CTNND2: variants seen among roughly 807,000 people sequenced by gnomAD.
CTNND2 encodes catenin delta-2.
A neutral mutation model predicts 144.4 loss-of-function variants in CTNND2; 22 were observed. The observed-to-expected ratio is 0.15, with a 90% confidence interval of 0.11 to 0.22. The LOEUF is 0.22. Ranked by LOEUF, CTNND2 falls within the 10% of genes least tolerant of loss-of-function variation. CTNND2 has a pLI of 1.00. For synonymous variants in CTNND2, 751 were observed against 695.6 expected (o/e 1.08, Z -1.25); for missense variants, 1,353 against 1,618.8 (o/e 0.84, Z 2.82).
intron 1 of CTNND2, among the ~76,000 whole-genome samples, chr5:11,789,762 T>C (rs1220585076): frequency 6.6e-6 from 1 of 152,194 alleles, no homozygotes; most frequent in African/African-American, 2.4e-5. Context: ...TGTTGAATAT[T>C]GGAAGTGATA....
chr5:11,228,153 C>T (rs1202301920), intron 10 of CTNND2, among the ~76,000 whole-genome samples: 1 of 151,760 alleles, frequency 6.6e-6, no homozygotes, highest in Non-Finnish European at 1.5e-5. Context: ...ACCAGCCTGG[C>T]CAACATGGTG....
chr5:11,145,218 G>C (rs1018226904), intron 12 of CTNND2, among the ~76,000 whole-genome samples: 14 of 151,884 alleles, frequency 9.2e-5, no homozygotes, highest in Non-Finnish European at 8.8e-5. Flanking sequence ...TTGTTGTGCC[G>C]AAGAATATTT....
chr5:11,601,972 A>T (rs1346064676), intron 2 of CTNND2, among the ~76,000 whole-genome samples: 1 of 152,046 alleles, frequency 6.6e-6, no homozygotes, highest in Non-Finnish European at 1.5e-5. Context: ...ACTCTAGAAG[A>T]TTTCGCCAGG....
Position 11,317,146 on chromosome 5 carries a change from G to A in CTNND2, c.1628+29226C>T, listed in dbSNP as rs372477139. On this transcript the variant is annotated intron_variant, in intron 9 of 21. Coordinates refer to ENST00000304623, the MANE Select transcript of CTNND2 (RefSeq NM_001332.4). ...ACCATCTCACACCAGTTAGAATGGC[G>A]ATCATTAATATCCACTATTATTTTA... Among the ~76,000 whole-genome samples the A allele has an allele frequency of 4.4e-4, 67 of 152,236 alleles. No individual in the cohort carries two copies. The South Asian group carries it at 0.013, about 30-fold the overall frequency.
chr5:11,546,465 T>C (rs964404944), intron 3 of CTNND2, among the ~76,000 whole-genome samples: 3 of 152,298 alleles, frequency 2.0e-5, no homozygotes, highest in East Asian at 1.9e-4. Context: ...TTTTCACAGA[T>C]TGCTTATATA....
intron 3 of CTNND2, among the ~76,000 whole-genome samples, chr5:11,466,645 T>C (rs61757538): frequency 0.018 from 2,753 of 152,306 alleles, 91 homozygotes; most frequent in African/African-American, 0.063. Flanking sequence ...TAAGAAATCA[T>C]GTCTCTAAAA....
intron 3 of CTNND2, among the ~76,000 whole-genome samples, chr5:11,547,153 A>G (rs1000127717): frequency 1.3e-5 from 2 of 152,046 alleles, no homozygotes; most frequent in Admixed American, 6.6e-5. Flanking sequence ...CTGTAATCTC[A>G]GCTACTTAGG....
At chr5:11,165,288 G>A (rs1234923589) in intron 11 of CTNND2, among the ~76,000 whole-genome samples, 1 of 152,090 alleles carries the variant, frequency 6.6e-6, no homozygotes, top group Non-Finnish European at 1.5e-5. Context: ...CTTATCTCTG[G>A]TGCTTCATTT....
intron 6 of CTNND2, among the ~76,000 whole-genome samples, 160 bp from the exon 7 acceptor site, chr5:11,385,389 G>A (rs993802647): frequency 6.6e-6 from 1 of 152,008 alleles, no homozygotes; most frequent in African/African-American, 2.4e-5. Context: ...GCGAACCTGC[G>A]CCCCGAACTC....
intron 11 of CTNND2, among the ~76,000 whole-genome samples, chr5:11,164,082 G>T (rs1759056835): frequency 6.6e-6 from 1 of 152,022 alleles, no homozygotes; most frequent in African/African-American, 2.4e-5. Flanking sequence ...CTTGGCTTGA[G>T]ATCTTACATC....
In CTNND2 at chr5:11,385,162, CGCGGCGGCG is replaced by C. The variant is rs557341981; in HGVS notation, c.671_679del (p.Pro224_Pro226del). 66 of 1,013,214 alleles carry C rather than the reference CGCGGCGGCG, an allele frequency of 6.5e-5. No homozygotes were observed. The Middle Eastern group carries it at 1.4e-3, about 22-fold the overall frequency. The allele number at this position is 1,013,214 out of a possible 1,614,324, so 62.8% of individuals were successfully genotyped here. On this transcript the variant is annotated inframe_deletion, in exon 7 of 22. Coordinates refer to ENST00000304623, the MANE Select transcript of CTNND2 (RefSeq NM_001332.4). ...GCCCAGGCTGGGCGCGAACGGCTCC[CGCGGCGGCG>C]GCGGCGGCGGCGGCGCGGGCTCGGG...
At chr5:11,745,647 G>C (rs79715619) in intron 1 of CTNND2, among the ~76,000 whole-genome samples, 1,630 of 152,252 alleles carry the variant, frequency 0.011, 11 homozygotes, top group Non-Finnish European at 0.019. Context: ...AATTCAGCAT[G>C]AGTCCAAGTC....
At chr5:11,732,610 T>C (rs915355812) in intron 1 of CTNND2, among the ~76,000 whole-genome samples, 23 of 152,184 alleles carry the variant, frequency 1.5e-4, no homozygotes, top group African/African-American at 5.3e-4. Flanking sequence ...TCTAAGAAGC[T>C]AGTCCAACTA....
At chr5:11,463,261 A>G (rs1043789515) in intron 3 of CTNND2, among the ~76,000 whole-genome samples, 1 of 152,232 alleles carries the variant, frequency 6.6e-6, no homozygotes, top group African/African-American at 2.4e-5. Flanking sequence ...AGGTAAGAGT[A>G]ATCTATTAAT....
intron 9 of CTNND2, among the ~76,000 whole-genome samples, chr5:11,282,157 G>C (rs1023847287): frequency 6.6e-6 from 1 of 152,052 alleles, no homozygotes; most frequent in African/African-American, 2.4e-5. Flanking sequence ...GGCATTCAGG[G>C]ACAGGGCCAT....
chr5:11,895,811 C>T (rs1737350619), intron 1 of CTNND2, among the ~76,000 whole-genome samples: 1 of 151,888 alleles, frequency 6.6e-6, no homozygotes, highest in South Asian at 2.1e-4. Context: ...AAAGATAATT[C>T]ACAAAAAAAT....
At chr5:11,374,801 T>G (rs1757773329) in intron 7 of CTNND2, among the ~76,000 whole-genome samples, 2 of 112,644 alleles carry the variant, frequency 1.8e-5, no homozygotes, top group Non-Finnish European at 1.8e-5. Flanking sequence ...TTTTTTTTTT[T>G]TTTGTTACAT....
chr5:11,506,918 G>A (rs1189168573), intron 3 of CTNND2, among the ~76,000 whole-genome samples: 1 of 152,124 alleles, frequency 6.6e-6, no homozygotes, highest in Non-Finnish European at 1.5e-5. Context: ...TTAGCGATGC[G>A]ACTGGTAATC....
intron 18 of CTNND2, among the ~76,000 whole-genome samples, chr5:10,998,522 TTCA>T (rs1269252531): frequency 6.6e-6 from 1 of 152,192 alleles, no homozygotes; most frequent in Non-Finnish European, 1.5e-5. Context: ...CCCTCTCTCA[TTCA>T]TCGATGCAGA....
Sources: gnomAD v4.1 joint callset for allele counts (sites outside exome capture counted in the v4.1 genomes callset) on GRCh38, gnomAD v4.1.1 for gene constraint, MANE v1.5 for transcripts, NCBI Gene and HGNC (gene_info 2026-07-23, HGNC 2026-07-21) for gene names.